The following KCND2 variants were observed in gnomAD, a reference collection of about 807,000 sequenced individuals.
KCND2 encodes the protein potassium voltage-gated channel subfamily D member 2, also known as A-type voltage-gated potassium channel KCND2.
Under a neutral mutation model 54.4 loss-of-function variants are expected in KCND2, and 16 were observed. That is an observed-to-expected ratio of 0.29 (90% CI 0.20 to 0.45). KCND2 has a LOEUF of 0.45. Ranked by LOEUF, KCND2 falls within the 20% of genes least tolerant of loss-of-function variation. KCND2 has a pLI of 1.00. For synonymous variants in KCND2, 317 were observed against 310.7 expected (o/e 1.02, Z -0.21); for missense variants, 486 against 824.2 (o/e 0.59, Z 5.02).
chr7:120,355,408 G>A lies in KCND2; in HGVS notation c.1115+79661G>A, dbSNP rs181138675. On this transcript the variant is annotated intron_variant, in intron 1 of 5. Coordinates refer to ENST00000331113, the MANE Select transcript of KCND2 (RefSeq NM_012281.3). ...CTAAAAATACAAAAATTAGCTGGGC[G>A]TGCTGGTGTGTGCCTGTAGTCTCAG... Among the ~76,000 whole-genome samples, 303 of 152,198 alleles carry A rather than the reference G, an allele frequency of 2.0e-3. 1 individual carries two copies. The highest frequency in any genetic ancestry group is 7.0e-3 in the African/African-American group (289 of 41,528).
chr7:120,438,555 A>G (rs1801902191), intron 1 of KCND2, among the ~76,000 whole-genome samples: 1 of 152,214 alleles, frequency 6.6e-6, no homozygotes, highest in Non-Finnish European at 1.5e-5. Flanking sequence ...GGGTGTAAAT[A>G]TCACCTTCAG....
At position 120,531,649 on chromosome 7, in the gene KCND2, T is replaced by G. The variant is rs551772430; in HGVS notation, c.1116-201254T>G. 4.1e-4 allele frequency among the ~76,000 whole-genome samples: 62 copies of G among 152,250 alleles called. 1 individual carries two copies. In the South Asian group the frequency reaches 0.012, roughly 29 times the overall value. ...AAGCCCACTCTCCTCTTGAAGGTTC[T>G]CTTTTCTGGGTCACCAGTAACATCA... On this transcript the variant is annotated intron_variant, in intron 1 of 5. Coordinates refer to ENST00000331113, the MANE Select transcript of KCND2 (RefSeq NM_012281.3).
chr7:120,691,991 G>A (rs948742722), intron 1 of KCND2, among the ~76,000 whole-genome samples: 5 of 152,168 alleles, frequency 3.3e-5, no homozygotes, highest in African/African-American at 2.4e-5. Context: ...ACTGTGAACC[G>A]ACCTTCAGAT....
intron 1 of KCND2, among the ~76,000 whole-genome samples, chr7:120,502,156 G>A (rs1172051571): frequency 3.3e-5 from 5 of 151,940 alleles, no homozygotes; most frequent in Admixed American, 1.3e-4. Flanking sequence ...TAGCAAACTC[G>A]GTCCCATATA....
chr7:120,348,300 A>AGGCATGGT (rs1457775431), intron 1 of KCND2, among the ~76,000 whole-genome samples: 1 of 152,162 alleles, frequency 6.6e-6, no homozygotes, highest in African/African-American at 2.4e-5. Flanking sequence ...AAGCTGATAG[A>AGGCATGGT]GGCATGGTTT....
At chr7:120,341,198 A>G (rs1298694922) in intron 1 of KCND2, among the ~76,000 whole-genome samples, 3 of 152,146 alleles carry the variant, frequency 2.0e-5, no homozygotes, top group African/African-American at 4.8e-5. Context: ...AACTGAGAGC[A>G]TTAGGGTGGA....
At chr7:120,728,304 A>AAT (rs2116130679) in intron 1 of KCND2, among the ~76,000 whole-genome samples, 1 of 141,720 alleles carries the variant, frequency 7.1e-6, no homozygotes, top group East Asian at 2.0e-4. Context: ...TTTTTTAAAA[A>AAT]TTTTGAGATG....
At chr7:120,441,910 A>G (rs1801950206) in intron 1 of KCND2, among the ~76,000 whole-genome samples, 4 of 152,100 alleles carry the variant, frequency 2.6e-5, no homozygotes, top group African/African-American at 7.2e-5. Flanking sequence ...GCCAGCTAAT[A>G]TCCAAGAAAG....
intron 1 of KCND2, among the ~76,000 whole-genome samples, chr7:120,488,128 G>A (rs1286314400): frequency 2.0e-5 from 3 of 152,108 alleles, no homozygotes; most frequent in Non-Finnish European, 2.9e-5. Flanking sequence ...TAGGGAGGTC[G>A]AGGCTGCAGT....
intron 1 of KCND2, among the ~76,000 whole-genome samples, chr7:120,478,964 T>A (rs1802566427): frequency 6.6e-6 from 1 of 152,184 alleles, no homozygotes; most frequent in South Asian, 2.1e-4. Context: ...AGTGTTCTCC[T>A]TGGTTCAAAT....
At chr7:120,670,323 T>C (rs543501386) in intron 1 of KCND2, among the ~76,000 whole-genome samples, 15 of 152,256 alleles carry the variant, frequency 9.9e-5, no homozygotes, top group African/African-American at 3.6e-4. Context: ...ATGTGAAATA[T>C]GTGCTAATGC....
chr7:120,682,926 CG>C (rs1193607360), intron 1 of KCND2, among the ~76,000 whole-genome samples: 1 of 152,046 alleles, frequency 6.6e-6, no homozygotes. Flanking sequence ...CTACAGCAGC[CG>C]TAAGCATCAC....
At chr7:120,446,481 G>A (rs1174716259) in intron 1 of KCND2, among the ~76,000 whole-genome samples, 1 of 151,898 alleles carries the variant, frequency 6.6e-6, no homozygotes. Context: ...TTTTGTTTCA[G>A]TGTTGGAGTG....
chr7:120,334,569 A>T (rs888033573), intron 1 of KCND2, among the ~76,000 whole-genome samples: 8 of 152,234 alleles, frequency 5.3e-5, no homozygotes, highest in Non-Finnish European at 1.2e-4. Context: ...ACCTGCAGAC[A>T]AACCACTTAG....
chr7:120,452,375 A>G (rs1377316376), intron 1 of KCND2, among the ~76,000 whole-genome samples: 1 of 152,220 alleles, frequency 6.6e-6, no homozygotes, highest in Non-Finnish European at 1.5e-5. Flanking sequence ...CGGAGCCAAG[A>G]TAGCCAACTA....
intron 1 of KCND2, among the ~76,000 whole-genome samples, chr7:120,380,806 T>G (rs1800907077): frequency 6.6e-6 from 1 of 152,078 alleles, no homozygotes; most frequent in South Asian, 2.1e-4. Context: ...TTCTACCCTA[T>G]ATACATAATC....
intron 1 of KCND2, among the ~76,000 whole-genome samples, chr7:120,384,547 A>C (rs1245574458): frequency 6.6e-6 from 1 of 152,184 alleles, no homozygotes; most frequent in African/African-American, 2.4e-5. Context: ...ACTATAATAC[A>C]GCACATTGCA....
intron 4 of KCND2, 77 bp downstream of exon 4, chr7:120,742,679 C>T (rs533143861): frequency 1.9e-5 from 21 of 1,104,234 alleles, no homozygotes; most frequent in Admixed American, 1.9e-4. Flanking sequence ...TTAATGCTTC[C>T]GAGTGTGATT....
intron 1 of KCND2, among the ~76,000 whole-genome samples, chr7:120,368,781 G>A (rs927023118): frequency 1.1e-4 from 17 of 152,228 alleles, no homozygotes; most frequent in Non-Finnish European, 2.1e-4. Flanking sequence ...TTAAAAGGTT[G>A]AAATGTGAAG....
Sources: gnomAD v4.1 joint callset for allele counts (sites outside exome capture counted in the v4.1 genomes callset) on GRCh38, gnomAD v4.1.1 for gene constraint, MANE v1.5 for transcripts, NCBI Gene and HGNC (gene_info 2026-07-23, HGNC 2026-07-21) for gene names.